The following CTNND2 variants were observed in gnomAD, a reference collection of about 807,000 sequenced individuals.
CTNND2 encodes catenin delta 2.
In CTNND2, 22 loss-of-function variants were observed where a neutral mutation model predicts 144.4. The observed-to-expected ratio is 0.15, with a 90% CI of 0.11 to 0.22. The LOEUF is 0.22. Ranked by LOEUF, CTNND2 falls within the 10% of genes least tolerant of loss-of-function variation. CTNND2 has a pLI of 1.00. For synonymous variants in CTNND2, 751 were observed against 695.6 expected (o/e 1.08, Z -1.25); for missense variants, 1,353 against 1,618.8 (o/e 0.84, Z 2.82).
At chr5:11,414,030 G>A (rs867124123) in intron 3 of CTNND2, among the ~76,000 whole-genome samples, 3 of 152,118 alleles carry the variant, frequency 2.0e-5, no homozygotes, top group Non-Finnish European at 4.4e-5. Flanking sequence ...AGGTCATCCT[G>A]GATCATCCAG....
At chr5:11,059,885 C>G (rs532126881) in intron 16 of CTNND2, among the ~76,000 whole-genome samples, 1 of 151,926 alleles carries the variant, frequency 6.6e-6, no homozygotes, top group Non-Finnish European at 1.5e-5. Flanking sequence ...TACCCATACA[C>G]ATGAATATAT....
intron 16 of CTNND2, among the ~76,000 whole-genome samples, chr5:11,045,026 C>G (rs1403134882): frequency 1.3e-5 from 2 of 152,316 alleles, no homozygotes; most frequent in African/African-American, 2.4e-5. Flanking sequence ...AAATGTATCC[C>G]TCACAGTTCT....
intron 9 of CTNND2, among the ~76,000 whole-genome samples, chr5:11,334,665 G>T (rs55749156): frequency 0.089 from 13,477 of 152,210 alleles, 635 homozygotes; most frequent in East Asian, 0.14. Context: ...TTTCAAAGAT[G>T]GGGGAGCCAC....
chr5:11,096,317 C>A (rs1489744777), intron 15 of CTNND2, among the ~76,000 whole-genome samples: 1 of 152,134 alleles, frequency 6.6e-6, no homozygotes, highest in Non-Finnish European at 1.5e-5. Context: ...CCTCTCCTAG[C>A]CCCCCACCCC....
chr5:11,111,633 T>C (rs1752993008), intron 13 of CTNND2, among the ~76,000 whole-genome samples: 1 of 152,098 alleles, frequency 6.6e-6, no homozygotes, highest in African/African-American at 2.4e-5. Context: ...GGTTAAACAG[T>C]GGTTAAGGAC....
At chr5:11,601,024 G>GT (rs554677404) in intron 2 of CTNND2, among the ~76,000 whole-genome samples, 158 of 148,710 alleles carry the variant, frequency 1.1e-3, no homozygotes, top group Non-Finnish European at 1.3e-3. Flanking sequence ...AAACAGCAAG[G>GT]TTTTTTTTTT....
chr5:10,989,811 G>A (rs1738460841), intron 19 of CTNND2, among the ~76,000 whole-genome samples: 1 of 152,222 alleles, frequency 6.6e-6, no homozygotes, highest in Non-Finnish European at 1.5e-5. Flanking sequence ...TAGAATGAGA[G>A]GCAGAAGTGC....
chr5:11,662,316 A>T (rs1783313316), intron 2 of CTNND2, among the ~76,000 whole-genome samples: 1 of 149,624 alleles, frequency 6.7e-6, no homozygotes, highest in South Asian at 2.1e-4. Context: ...GGGTTTATTA[A>T]GTAGTATTAA....
chr5:11,374,602 G>A (rs950568523), intron 7 of CTNND2, among the ~76,000 whole-genome samples: 1 of 152,054 alleles, frequency 6.6e-6, no homozygotes, highest in African/African-American at 2.4e-5. Flanking sequence ...TCCTTATCAA[G>A]GAGGGGGATA....
At chr5:11,239,710 C>T (rs948896718) in intron 9 of CTNND2, among the ~76,000 whole-genome samples, 1 of 152,174 alleles carries the variant, frequency 6.6e-6, no homozygotes, top group Non-Finnish European at 1.5e-5. Context: ...CCCTGGCCTG[C>T]CTCTGCTCCT....
At chr5:11,337,932 A>G (rs1450098345) in intron 9 of CTNND2, among the ~76,000 whole-genome samples, 2 of 152,206 alleles carry the variant, frequency 1.3e-5, no homozygotes, top group African/African-American at 4.8e-5. Context: ...GAGGAAAGAT[A>G]ATATATCTGT....
chr5:11,404,602 CTTTTTTTTTTTTTTTTTTT>C (rs555388304), intron 5 of CTNND2, among the ~76,000 whole-genome samples: 18 of 57,370 alleles, frequency 3.1e-4, no homozygotes, highest in Admixed American at 6.5e-4. Context: ...TATCTGTATT[CTTTTTTTTTTTTTTTTTTT>C]TTTTTTTTTT....
chr5:11,266,535 T>G (rs571102343), intron 9 of CTNND2, among the ~76,000 whole-genome samples: 6 of 152,318 alleles, frequency 3.9e-5, no homozygotes, highest in African/African-American at 1.2e-4. Flanking sequence ...GCTAGAAGAA[T>G]TCTCATTACA....
At chr5:11,863,752 G>T (rs139990596) in intron 1 of CTNND2, among the ~76,000 whole-genome samples, 1 of 152,176 alleles carries the variant, frequency 6.6e-6, no homozygotes, top group African/African-American at 2.4e-5. Flanking sequence ...TAATAAAATC[G>T]CATATTGGAA....
intron 16 of CTNND2, among the ~76,000 whole-genome samples, chr5:11,030,027 T>G (rs1169868374): frequency 7.1e-6 from 1 of 141,656 alleles, no homozygotes; most frequent in Non-Finnish European, 1.6e-5. Context: ...ATAGGATTCT[T>G]GGCTGACAGT....
At chr5:11,366,582 C>T (rs1756999714) in intron 7 of CTNND2, among the ~76,000 whole-genome samples, 1 of 151,984 alleles carries the variant, frequency 6.6e-6, no homozygotes, top group African/African-American at 2.4e-5. Flanking sequence ...TTAAATTTTC[C>T]AGGAATATAT....
intron 9 of CTNND2, among the ~76,000 whole-genome samples, chr5:11,317,478 C>T (rs903446671): frequency 6.6e-6 from 1 of 152,168 alleles, no homozygotes; most frequent in Non-Finnish European, 1.5e-5. Context: ...AATAAACTCC[C>T]AATTATCCAC....
chr5:11,020,064 T>G (rs1261296292), intron 17 of CTNND2, among the ~76,000 whole-genome samples: 1 of 152,200 alleles, frequency 6.6e-6, no homozygotes. Flanking sequence ...AGGACTTCAG[T>G]TGGTGCAGTT....
intron 1 of CTNND2, among the ~76,000 whole-genome samples, chr5:11,763,648 A>G (rs1384570042): frequency 1.3e-5 from 2 of 152,254 alleles, no homozygotes; most frequent in Non-Finnish European, 2.9e-5. Flanking sequence ...ATGCTACTTT[A>G]AACATTTCAT....
Sources: gnomAD v4.1 joint callset for allele counts (sites outside exome capture counted in the v4.1 genomes callset) on GRCh38, gnomAD v4.1.1 for gene constraint, MANE v1.5 for transcripts, NCBI Gene and HGNC (gene_info 2026-07-23, HGNC 2026-07-21) for gene names.